The following PTPN2 variants were observed in gnomAD, a reference collection of about 807,000 sequenced individuals.
PTPN2 encodes tyrosine-protein phosphatase non-receptor type 2.
A neutral mutation model predicts 57.3 loss-of-function variants in PTPN2; 19 were observed. That is an observed-to-expected ratio of 0.33 (90% CI 0.23 to 0.49). PTPN2 has a LOEUF of 0.49. Among genes scored for constraint, PTPN2 ranks in the 20% least tolerant of loss-of-function variants. PTPN2 has a pLI of 0.99. For synonymous variants in PTPN2, 153 were observed against 164.9 expected (o/e 0.93, Z 0.55); for missense variants, 358 against 501.1 (o/e 0.71, Z 2.73).
chr18:12,848,756 T>C (rs2145436518), intron 2 of PTPN2, among the ~76,000 whole-genome samples: 1 of 152,378 alleles, frequency 6.6e-6, no homozygotes, highest in South Asian at 2.1e-4. Context: ...ACCCCTAGAT[T>C]TGTGAACATA....
chr18:12,806,215 C>T (rs1326128796), intron 7 of PTPN2, among the ~76,000 whole-genome samples: 2 of 151,880 alleles, frequency 1.3e-5, no homozygotes, highest in African/African-American at 4.8e-5. Context: ...GAAAGCAATT[C>T]CATTTTCAAA....
intron 2 of PTPN2, among the ~76,000 whole-genome samples, chr18:12,852,234 T>TCACACACA (rs1326088189): frequency 2.9e-5 from 2 of 68,648 alleles, no homozygotes; most frequent in Non-Finnish European, 7.7e-5. Flanking sequence ...ACACACAGAT[T>TCACACACA]GTTTCATGGC....
intron 5 of PTPN2, among the ~76,000 whole-genome samples, chr18:12,822,253 C>G (rs1033562748): frequency 2.0e-5 from 3 of 152,112 alleles, no homozygotes; most frequent in African/African-American, 7.2e-5. Flanking sequence ...TAATTAGAGA[C>G]TCTCATCTTG....
At chr18:12,807,586 A>ATATATATATATAT (rs1555660749) in intron 7 of PTPN2, among the ~76,000 whole-genome samples, 3 of 35,196 alleles carry the variant, frequency 8.5e-5, no homozygotes, top group African/African-American at 1.4e-4. Context: ...AAAAAAAAAA[A>ATATATATATATAT]ATATATATAT....
intron 1 of PTPN2, among the ~76,000 whole-genome samples, chr18:12,867,878 G>A (rs187050872): frequency 5.9e-4 from 90 of 152,122 alleles, no homozygotes; most frequent in Non-Finnish European, 9.6e-4. Context: ...TCTTGTATTT[G>A]GACACCTGAA....
intron 6 of PTPN2, 126 bp downstream of exon 6, chr18:12,817,030 A>G: frequency 3.3e-6 from 3 of 911,356 alleles, no homozygotes; most frequent in Middle Eastern, 5.1e-4. Flanking sequence ...GGTTTTTCCA[A>G]AAGTAGAAGT....
intron 5 of PTPN2, chr18:12,819,303 C>T: frequency 8.4e-7 from 1 of 1,184,914 alleles, no homozygotes; most frequent in Non-Finnish European, 1.2e-6. Context: ...TAAAAAATTT[C>T]TCCATTACAA....
Position 12,825,795 on chromosome 18 carries a change from C to A in PTPN2, c.495+15G>T, listed in dbSNP as rs1286119834. ...ATCATATAAAGTCCACAATTTCGGG[C>A]AAGAAAGGTCTTACATTGATATTTT... On this transcript the variant is annotated intron_variant, in intron 5 of 8. Coordinates refer to ENST00000309660, the MANE Select transcript of PTPN2 (RefSeq NM_002828.4). 2 of 1,592,942 alleles carry A rather than the reference C, an allele frequency of 1.3e-6. No homozygotes were observed. The highest frequency in any genetic ancestry group is 1.3e-5 in the African/African-American group (1 of 74,128).
At chr18:12,788,328 A>C (rs1319169227), downstream of PTPN2, among the ~76,000 whole-genome samples, 1 of 151,854 alleles carries the variant, frequency 6.6e-6, no homozygotes, top group Non-Finnish European at 1.5e-5. Context: ...AAATTGCATA[A>C]TTCCCACCTT....
At position 12,870,313 on chromosome 18, in the gene PTPN2, A is replaced by G. The variant is rs1387142690; in HGVS notation, c.70-11059T>C. Reference sequence around the variant, plus strand: ...TACATATATATGTGTATATATACATATATATGTGTATATATATGTATATAT... The same window carrying G: ...TACATATATATGTGTATATATACATGTATATGTGTATATATATGTATATAT... On this transcript the variant is annotated intron_variant, in intron 1 of 8. Coordinates refer to ENST00000309660, the MANE Select transcript of PTPN2 (RefSeq NM_002828.4). Among the ~76,000 whole-genome samples the G allele has an allele frequency of 1.4e-3, 102 of 70,772 alleles. 3 individuals carry two copies. The highest frequency in any genetic ancestry group is 7.9e-3 in the African/African-American group (99 of 12,480). 46.4% of individuals were successfully genotyped at this position (70,772 alleles called of 152,430 possible). A position where few individuals can be genotyped will look rare whatever the true frequency, so the allele number is the denominator to read the frequency against.
At chr18:12,850,871 CTGAGA>C (rs1383836462) in intron 2 of PTPN2, among the ~76,000 whole-genome samples, 1 of 152,084 alleles carries the variant, frequency 6.6e-6, no homozygotes, top group African/African-American at 2.4e-5. Context: ...TCCTGAGTAG[CTGAGA>C]TTACAGGCAT....
chr18:12,829,201 G>GA (rs2042581567), intron 4 of PTPN2, among the ~76,000 whole-genome samples: 1 of 151,748 alleles, frequency 6.6e-6, no homozygotes, highest in Non-Finnish European at 1.5e-5. Context: ...CCCAGCCAAG[G>GA]AAACTATTAA....
intron 4 of PTPN2, among the ~76,000 whole-genome samples, chr18:12,827,355 AAATAAT>A (rs1555668906): frequency 1.0e-4 from 15 of 143,432 alleles, no homozygotes; most frequent in South Asian, 2.2e-4. Context: ...AAAAAAAAAA[AAATAAT>A]AATAATAATA....
chr18:12,847,605 T>G (rs1354058537), intron 2 of PTPN2, among the ~76,000 whole-genome samples: 4 of 151,482 alleles, frequency 2.6e-5, no homozygotes, highest in African/African-American at 9.7e-5. Context: ...TTGGCTTTGA[T>G]TAAAATTAAA....
chr18:12,842,558 G>C (rs1185759684), intron 2 of PTPN2, among the ~76,000 whole-genome samples: 1 of 152,112 alleles, frequency 6.6e-6, no homozygotes, highest in Non-Finnish European at 1.5e-5. Flanking sequence ...TCAGTCTCAC[G>C]GATATTTTAG....
chr18:12,875,836 A>G (rs1167305607), intron 1 of PTPN2, among the ~76,000 whole-genome samples: 1 of 152,214 alleles, frequency 6.6e-6, no homozygotes, highest in African/African-American at 2.4e-5. Flanking sequence ...AAAGAACAGC[A>G]GGGGACTGAG....
chr18:12,851,777 A>G (rs925872376), intron 2 of PTPN2, among the ~76,000 whole-genome samples: 1 of 152,166 alleles, frequency 6.6e-6, no homozygotes, highest in Non-Finnish European at 1.5e-5. Context: ...AACTCATTTA[A>G]AAAGTATGTT....
In PTPN2 at chr18:12,809,536, T is replaced by C. The variant is rs114000977; in HGVS notation, c.858+4667A>G. Among the ~76,000 whole-genome samples, 659 of 152,306 alleles carry C rather than the reference T, an allele frequency of 4.3e-3. 3 individuals are homozygous for C. Among genetic ancestry groups the C allele is most frequent in the African/African-American group, 0.015 (640 of 41,560 alleles). Reference sequence around the variant, plus strand: ...TAGAGGCAGAAGCAGTGGGAGCCAATGGTTTTGATTACCTATGACTGACAC... The same window carrying C: ...TAGAGGCAGAAGCAGTGGGAGCCAACGGTTTTGATTACCTATGACTGACAC... On this transcript the variant is annotated intron_variant, in intron 7 of 8. Transcript: ENST00000309660.
At chr18:12,866,307 G>A (rs996747382) in intron 1 of PTPN2, among the ~76,000 whole-genome samples, 5 of 151,664 alleles carry the variant, frequency 3.3e-5, no homozygotes, top group Non-Finnish European at 5.9e-5. Context: ...GTGTGGTGGC[G>A]GGCGCCTGTA....
Sources: allele counts gnomAD v4.1 joint callset (sites outside exome capture counted in the v4.1 genomes callset), GRCh38; gene constraint gnomAD v4.1.1; transcripts MANE v1.5; gene names NCBI Gene and HGNC (gene_info 2026-07-23, HGNC 2026-07-21).